ATP10B: variants seen among roughly 807,000 people sequenced by gnomAD.
ATP10B encodes the protein phospholipid-transporting ATPase VB.
In ATP10B, 122 loss-of-function variants were observed where a neutral mutation model predicts 141.2. That is an observed-to-expected ratio of 0.86 (90% CI 0.75 to 1.00). The LOEUF (loss-of-function observed/expected upper bound fraction) is 1.00, where lower values mean the gene tolerates loss of function less well. Among genes scored for constraint, ATP10B ranks in the 50% least tolerant of loss-of-function variants. The pLI, the probability that ATP10B is intolerant of heterozygous loss-of-function variation, is 0.00. For missense variants in ATP10B, 1,876 were observed against 1,825.3 expected, an observed-to-expected ratio of 1.03 and a Z score of -0.51; for synonymous variants, 685 against 692.0, an observed-to-expected ratio of 0.99 and a Z score of 0.16.
At chr5:160,752,443 G>A (rs1026376451) in intron 2 of ATP10B, among the ~76,000 whole-genome samples, 4 of 152,098 alleles carry the variant, frequency 2.6e-5, no homozygotes, top group African/African-American at 9.7e-5. Context: ...TCAAAGATTT[G>A]CCTTTCAGGG....
chr5:160,771,906 C>A (rs999273074), intron 2 of ATP10B, among the ~76,000 whole-genome samples: 3 of 152,222 alleles, frequency 2.0e-5, no homozygotes, highest in African/African-American at 7.2e-5. Context: ...AGGGGTATGG[C>A]AGATGTATTT....
At chr5:160,653,892 T>C (rs1278038731) in intron 7 of ATP10B, among the ~76,000 whole-genome samples, 2 of 95,092 alleles carry the variant, frequency 2.1e-5, no homozygotes, top group Non-Finnish European at 3.8e-5. Context: ...TATATAAATA[T>C]ATGTAGTATA....
At chr5:160,926,031 C>A in the ATP10B span, among the ~76,000 whole-genome samples, 1 of 152,236 alleles carries the variant, frequency 6.6e-6, no homozygotes, top group African/African-American at 2.4e-5. Context: ...GATGAGAGCA[C>A]GTGCTCTGAA....
chr5:160,599,531 C>T (rs750288979), intron 21 of ATP10B, among the ~76,000 whole-genome samples: 12 of 151,994 alleles, frequency 7.9e-5, no homozygotes, highest in Non-Finnish European at 1.5e-4. Flanking sequence ...CAATGGCATG[C>T]GAAATATGAA....
chr5:160,779,804 C>A (rs1413463557), intron 2 of ATP10B, among the ~76,000 whole-genome samples: 1 of 152,114 alleles, frequency 6.6e-6, no homozygotes, highest in Non-Finnish European at 1.5e-5. Context: ...AAGTAGCTTG[C>A]AAGTACTTAA....
rs1770092401 is a variant in ATP10B, at chr5:160,773,934, C to T, written c.-331+11625G>A. Among the ~76,000 whole-genome samples the T allele has an allele frequency of 2.0e-5, 3 of 152,278 alleles. No homozygotes were observed. The South Asian group carries it at 6.2e-4, about 32-fold the overall frequency. On this transcript the variant is annotated intron_variant, in intron 2 of 25. Coordinates refer to ENST00000327245, the MANE Select transcript of ATP10B (RefSeq NM_025153.3). Reference sequence around the variant, plus strand: ...TTTACAAAAAACTAATATGGTGGCTCTGAAAGCTCATGGGTCATTTGCCAT... The same window carrying T: ...TTTACAAAAAACTAATATGGTGGCTTTGAAAGCTCATGGGTCATTTGCCAT...
intron 1 of ATP10B, among the ~76,000 whole-genome samples, chr5:160,822,983 CATATACATATATATATACATATATATAT>C (rs1175233393): frequency 7.8e-5 from 7 of 89,980 alleles, no homozygotes; most frequent in East Asian, 3.7e-4. Flanking sequence ...TAAAAAATTA[CATATACATATATATATACATATATATAT>C]ATATATATAT....
chr5:160,868,915 A>C, the ATP10B span, among the ~76,000 whole-genome samples: 1 of 152,156 alleles, frequency 6.6e-6, no homozygotes, highest in Non-Finnish European at 1.5e-5. Context: ...TAACAGAAAC[A>C]GGAAACCAAG....
At chr5:160,900,646 G>A in the ATP10B span, among the ~76,000 whole-genome samples, 1 of 152,128 alleles carries the variant, frequency 6.6e-6, no homozygotes, top group Admixed American at 6.5e-5. Context: ...GCATTAAATG[G>A]CATAGAAAAT....
At chr5:160,811,617 A>G (rs1773158237) in intron 1 of ATP10B, among the ~76,000 whole-genome samples, 1 of 152,120 alleles carries the variant, frequency 6.6e-6, no homozygotes, top group Admixed American at 6.5e-5. Flanking sequence ...GCCTATGGAA[A>G]GGGAAAATTA....
the ATP10B span, among the ~76,000 whole-genome samples, chr5:160,857,665 G>A: frequency 6.6e-6 from 1 of 151,458 alleles, no homozygotes; most frequent in African/African-American, 2.4e-5. Flanking sequence ...TTTCTCTCTT[G>A]GCATTGCTTT....
chr5:160,605,905 G>A (rs1170822795), intron 19 of ATP10B, among the ~76,000 whole-genome samples: 1 of 152,232 alleles, frequency 6.6e-6, no homozygotes, highest in Non-Finnish European at 1.5e-5. Context: ...AGTGCTTTGA[G>A]CTATGCGTAC....
the ATP10B span, among the ~76,000 whole-genome samples, chr5:160,918,664 A>G: frequency 2.0e-5 from 3 of 152,184 alleles, no homozygotes; most frequent in African/African-American, 7.2e-5. Flanking sequence ...GACACAAACA[A>G]TGGAAAAGTG....
At chr5:160,655,666 C>A (rs1403735838) in intron 7 of ATP10B, among the ~76,000 whole-genome samples, 1 of 152,106 alleles carries the variant, frequency 6.6e-6, no homozygotes, top group Non-Finnish European at 1.5e-5. Flanking sequence ...GGGAGTAAGA[C>A]CCCTTCTTTT....
At chr5:160,832,199 C>T (rs1055879033) in intron 1 of ATP10B, among the ~76,000 whole-genome samples, 3 of 151,948 alleles carry the variant, frequency 2.0e-5, no homozygotes, top group African/African-American at 7.3e-5. Flanking sequence ...TTCAAACTGG[C>T]AATTTTACCT....
intron 13 of ATP10B, among the ~76,000 whole-genome samples, chr5:160,628,519 C>T (rs937787672): frequency 1.3e-5 from 2 of 151,486 alleles, no homozygotes; most frequent in African/African-American, 4.9e-5. Context: ...AAAGGCAGAC[C>T]AAGATTAGTG....
chr5:160,590,999 A>G, intron 23 of ATP10B, 60 bp downstream of exon 23: 2 of 1,430,880 alleles, frequency 1.4e-6, no homozygotes, highest in Non-Finnish European at 2.0e-6. Flanking sequence ...GGAACTTTAT[A>G]TAAAAAGGAC....
intron 3 of ATP10B, among the ~76,000 whole-genome samples, chr5:160,693,403 AACACACACAC>A (rs3075585): frequency 1.9e-3 from 235 of 125,680 alleles, no homozygotes; most frequent in African/African-American, 3.8e-3. Context: ...TGGGTCAGAA[AACACACACAC>A]ACACACACAC....
At chr5:160,800,499 T>C (rs1772303437) in intron 1 of ATP10B, among the ~76,000 whole-genome samples, 1 of 152,174 alleles carries the variant, frequency 6.6e-6, no homozygotes, top group Admixed American at 6.5e-5. Context: ...TAAAGTGTGG[T>C]ATAGGTGGAA....
Sources: gnomAD v4.1 joint callset for allele counts (sites outside exome capture counted in the v4.1 genomes callset) on GRCh38, gnomAD v4.1.1 for gene constraint, MANE v1.5 for transcripts, NCBI Gene and HGNC (gene_info 2026-07-23, HGNC 2026-07-21) for gene names.